PBX4: variants seen among roughly 807,000 people sequenced by gnomAD.
The protein encoded by PBX4 is PBX homeobox 4.
Under a neutral mutation model 35.1 loss-of-function variants are expected in PBX4, and 26 were observed. That is an observed-to-expected ratio of 0.74 (90% CI 0.54 to 1.03). The LOEUF (loss-of-function observed/expected upper bound fraction) is 1.03. PBX4 is among the 50% of genes least tolerant of loss of function. The pLI is 0.00. For synonymous variants in PBX4, 199 were observed against 204.2 expected, an observed-to-expected ratio of 0.97 and a Z score of 0.22; for missense variants, 448 against 504.3, an observed-to-expected ratio of 0.89 and a Z score of 1.07.
At chr19:19,593,999 T>C (rs2061544180) in intron 2 of PBX4, among the ~76,000 whole-genome samples, 1 of 147,100 alleles carries the variant, frequency 6.8e-6, no homozygotes, top group Admixed American at 6.9e-5. Flanking sequence ...CATGGTGGTG[T>C]GTGCGGAAGC....
intron 1 of PBX4, among the ~76,000 whole-genome samples, chr19:19,605,372 C>T (rs766665820): frequency 2.1e-4 from 32 of 149,802 alleles, no homozygotes; most frequent in South Asian, 8.3e-4. Flanking sequence ...GCTGAGATTG[C>T]GCCACAGCAC....
chr19:19,605,040 A>G (rs1346958683), intron 1 of PBX4, among the ~76,000 whole-genome samples: 1 of 152,050 alleles, frequency 6.6e-6, no homozygotes, highest in African/African-American at 2.4e-5. Flanking sequence ...CTGGAAATTT[A>G]ACTTTTTCTC....
intron 1 of PBX4, among the ~76,000 whole-genome samples, chr19:19,608,855 T>C (rs894296788): frequency 6.6e-6 from 1 of 152,182 alleles, no homozygotes; most frequent in East Asian, 1.9e-4. Flanking sequence ...GCTGAAGGGC[T>C]AACTCCTCAT....
chr19:19,584,786 T>C (rs1379345785), intron 2 of PBX4, among the ~76,000 whole-genome samples: 1 of 151,852 alleles, frequency 6.6e-6, no homozygotes, highest in Non-Finnish European at 1.5e-5. Context: ...CCACCATGCC[T>C]GGCTAATTTT....
chr19:19,597,265 T>G (rs1313380468), intron 2 of PBX4, among the ~76,000 whole-genome samples: 1 of 152,182 alleles, frequency 6.6e-6, no homozygotes, highest in Non-Finnish European at 1.5e-5. Context: ...AGGGACATCA[T>G]GTCCTCATAG....
At chr19:19,595,387 C>T (rs879557718) in intron 2 of PBX4, among the ~76,000 whole-genome samples, 2 of 152,272 alleles carry the variant, frequency 1.3e-5, no homozygotes, top group African/African-American at 2.4e-5. Context: ...ACAGGGCCCC[C>T]GCTTGTCCAG....
In PBX4 at chr19:19,565,003, T is replaced by G; in HGVS notation, c.855A>C (p.Lys285Asn). 1 of 1,614,158 alleles carries G rather than the reference T, an allele frequency of 6.2e-7. No homozygotes were observed. Among genetic ancestry groups the G allele is most frequent in the African/African-American group, 1.3e-5 (1 of 75,052 alleles). The part of the protein sequence containing the change: ...FQEEATIYTG[K>N]TAVDTTEVGV... ...CAACTTCCGTGGTATCCACAGCCGT[T>G]TTACCCGTGTAAATGGTAGCCTCTT... Residue 285 changes from lysine to asparagine, a missense_variant, in exon 6 of 8, where the codon AAA becomes AAC. Physicochemically the swap from Lys to Asn is moderately conservative, Grantham distance 94. Transcript: ENST00000251203.
chr19:19,568,404 T>C, intron 5 of PBX4, among the ~76,000 whole-genome samples: 1 of 144,716 alleles, frequency 6.9e-6, no homozygotes, highest in Non-Finnish European at 1.5e-5. Flanking sequence ...TCACACTCCA[T>C]CTGTATCCCT....
intron 2 of PBX4, among the ~76,000 whole-genome samples, chr19:19,572,854 CAA>C (rs36044843): frequency 1.1e-4 from 8 of 70,092 alleles, no homozygotes; most frequent in East Asian, 4.3e-4. Flanking sequence ...GACTCCGTCT[CAA>C]AAAAAAAAAA....
chr19:19,578,030 A>G (rs2081440619), intron 2 of PBX4, among the ~76,000 whole-genome samples: 2 of 149,540 alleles, frequency 1.3e-5, no homozygotes, highest in Non-Finnish European at 3.0e-5. Flanking sequence ...AAAAAAAAAA[A>G]AAAAAAAAAA....
chr19:19,596,902 C>A (rs1290877935), intron 2 of PBX4, among the ~76,000 whole-genome samples: 7 of 147,038 alleles, frequency 4.8e-5, no homozygotes, highest in Admixed American at 4.1e-4. Context: ...CAGAGTGAGA[C>A]CCTGTCTCCA....
intron 1 of PBX4, among the ~76,000 whole-genome samples, chr19:19,616,287 T>C (rs1179390598): frequency 1.3e-5 from 2 of 152,100 alleles, no homozygotes; most frequent in South Asian, 2.1e-4. Context: ...CTGGAATAAA[T>C]AGTCCGAACT....
chr19:19,597,593 G>A (rs1471087187), intron 2 of PBX4, among the ~76,000 whole-genome samples: 6 of 152,188 alleles, frequency 3.9e-5, no homozygotes. Flanking sequence ...TCAGAAAGAA[G>A]CACACTTTTG....
At chr19:19,570,069 G>C (rs767520684) in intron 4 of PBX4, 40 bp downstream of exon 4, 1 of 1,537,314 alleles carries the variant, frequency 6.5e-7, no homozygotes, top group Non-Finnish European at 8.8e-7. Context: ...CAGTCCCTCA[G>C]AGCCGGCCCT....
chr19:19,586,258 CA>C (rs2061488357), intron 2 of PBX4, among the ~76,000 whole-genome samples: 1 of 151,910 alleles, frequency 6.6e-6, no homozygotes, highest in African/African-American at 2.4e-5. Context: ...ATAAAAAGTA[CA>C]AAAATTAGCC....
chr19:19,586,710 CCACGAAGT>C (rs1568387768), intron 2 of PBX4, among the ~76,000 whole-genome samples: 1 of 151,806 alleles, frequency 6.6e-6, no homozygotes, highest in Non-Finnish European at 1.5e-5. Context: ...CTTTGGGAGG[CCACGAAGT>C]CAGGAGATCA....
intron 5 of PBX4, among the ~76,000 whole-genome samples, chr19:19,567,950 CA>C (rs967434909): frequency 6.6e-6 from 1 of 151,202 alleles, no homozygotes; most frequent in Non-Finnish European, 1.5e-5. Flanking sequence ...CTGTATCTCT[CA>C]GGGAGCTCAC....
At chr19:19,595,144 G>T (rs2061553640) in intron 2 of PBX4, among the ~76,000 whole-genome samples, 1 of 152,248 alleles carries the variant, frequency 6.6e-6, no homozygotes, top group South Asian at 2.1e-4. Context: ...AGGGTCAGGG[G>T]TGAGCAAGGG....
Position 19,562,186 on chromosome 19 carries a change from G to A in PBX4, c.1033-69C>T. On this transcript the variant is annotated intron_variant, in intron 7 of 7. Transcript: ENST00000251203. This position sits in a 1 kb window ranked among gnomAD's most constrained non-coding sequence, Gnocchi z 4.8. ...CTGGTGACTACCCAGCCCACGTGCT[G>A]CAGGCGGAGCCTCCAGGGGTCCCTG... 2 of 1,220,002 alleles carry A rather than the reference G, an allele frequency of 1.6e-6. No homozygotes were observed. The highest frequency in any genetic ancestry group is 2.3e-6 in the Non-Finnish European group (2 of 864,852). The allele number at this position is 1,220,002 out of a possible 1,614,324, so 75.6% of individuals were successfully genotyped here.
Sources: gnomAD v4.1 joint callset for allele counts (sites outside exome capture counted in the v4.1 genomes callset) on GRCh38, gnomAD v4.1.1 for gene constraint, Gnocchi (gnomAD v3.1) non-coding constraint, MANE v1.5 for transcripts, NCBI Gene and HGNC (gene_info 2026-07-23, HGNC 2026-07-21) for gene names.